The following PLCXD3 variants were observed in gnomAD, a reference collection of about 807,000 sequenced individuals.
PLCXD3 encodes the protein PI-PLC X domain-containing protein 3.
Under a neutral mutation model 25.5 loss-of-function variants are expected in PLCXD3, and 19 were observed. The observed-to-expected ratio is 0.75, with a 90% CI of 0.52 to 1.09. The LOEUF (loss-of-function observed/expected upper bound fraction) is 1.09, where lower values mean the gene tolerates loss of function less well. PLCXD3 is among the 50% of genes least tolerant of loss of function. The pLI, the probability that PLCXD3 is intolerant of heterozygous loss-of-function variation, is 0.00. For missense variants in PLCXD3, 411 were observed against 388.1 expected (o/e 1.06, Z -0.50); for synonymous variants, 174 against 137.6 (o/e 1.26, Z -1.85).
intron 1 of PLCXD3, among the ~76,000 whole-genome samples, chr5:41,508,378 C>G (rs1172426342): frequency 6.6e-6 from 1 of 152,194 alleles, no homozygotes; most frequent in Non-Finnish European, 1.5e-5. Flanking sequence ...AATCACAAAG[C>G]CTTTCCCTCC....
intron 2 of PLCXD3, among the ~76,000 whole-genome samples, chr5:41,357,622 C>T (rs1744655560): frequency 6.6e-6 from 1 of 152,158 alleles, no homozygotes; most frequent in Non-Finnish European, 1.5e-5. Context: ...ACTAAAATAA[C>T]ACTGGGATCC....
At chr5:41,331,085 G>T (rs1743789465) in intron 2 of PLCXD3, among the ~76,000 whole-genome samples, 1 of 152,102 alleles carries the variant, frequency 6.6e-6, no homozygotes, top group South Asian at 2.1e-4. Context: ...AGTGTTGGAA[G>T]TTCTGGCCAG....
chr5:41,421,531 C>A (rs1012667885), intron 1 of PLCXD3, among the ~76,000 whole-genome samples: 4 of 152,032 alleles, frequency 2.6e-5, no homozygotes, highest in Admixed American at 1.3e-4. Context: ...GAAACCCCGT[C>A]TCTACTAAAA....
intron 1 of PLCXD3, among the ~76,000 whole-genome samples, chr5:41,383,830 G>T (rs540024119): frequency 1.4e-5 from 2 of 142,590 alleles, no homozygotes; most frequent in South Asian, 4.8e-4. Flanking sequence ...ACACTTCAAA[G>T]CCTTGGTCTT....
rs541780803 is a variant in PLCXD3 at position 41,439,842 on chromosome 5, C to G, written c.104-57308G>C. 8.5e-5 allele frequency among the ~76,000 whole-genome samples: 13 copies of G among 152,302 alleles called. No homozygotes were observed. In the South Asian group the frequency reaches 1.7e-3, roughly 19 times the overall value. On this transcript the variant is annotated intron_variant, in intron 1 of 2. Coordinates refer to ENST00000377801, the MANE Select transcript of PLCXD3 (RefSeq NM_001005473.3). ...TTGATTATTGGTCACTTATCAAGTACTAGATTCTCCAGGGACACAAATGAA... is the reference window on the plus strand; with the variant it reads ...TTGATTATTGGTCACTTATCAAGTAGTAGATTCTCCAGGGACACAAATGAA...
At chr5:41,504,468 G>T (rs1356057000) in intron 1 of PLCXD3, among the ~76,000 whole-genome samples, 2 of 152,120 alleles carry the variant, frequency 1.3e-5, no homozygotes, top group African/African-American at 4.8e-5. Context: ...CCTGGTTTTG[G>T]CAGTGCCAGC....
chr5:41,370,697 A>T (rs1344755979), intron 2 of PLCXD3, among the ~76,000 whole-genome samples: 1 of 152,086 alleles, frequency 6.6e-6, no homozygotes, highest in East Asian at 1.9e-4. Flanking sequence ...ACTCAACACA[A>T]ACATCTGGAT....
At chr5:41,443,453 T>C (rs943233291) in intron 1 of PLCXD3, among the ~76,000 whole-genome samples, 3 of 152,154 alleles carry the variant, frequency 2.0e-5, no homozygotes, top group Non-Finnish European at 2.9e-5. Flanking sequence ...TCCTCATCGT[T>C]AAGCAACACA....
At chr5:41,326,238 C>T (rs77767066) in intron 2 of PLCXD3, among the ~76,000 whole-genome samples, 2,193 of 152,206 alleles carry the variant, frequency 0.014, 32 homozygotes, top group Admixed American at 0.025. Flanking sequence ...CTGTAACTTC[C>T]TAGGGCCATT....
rs1441003796 is a variant in PLCXD3 at position 41,402,989 on chromosome 5, A to T, written c.104-20455T>A. Among the ~76,000 whole-genome samples the T allele has an allele frequency of 2.0e-5, 3 of 152,246 alleles. No homozygotes were observed. In the South Asian group the frequency reaches 6.2e-4, roughly 32 times the overall value. On this transcript the variant is annotated intron_variant, in intron 1 of 2. Transcript: ENST00000377801. ...CTTTTGAATTCAATTGTAATCCATTAACATCTAAGTATTCACTGCTATGGT... is the reference window on the plus strand; with the variant it reads ...CTTTTGAATTCAATTGTAATCCATTTACATCTAAGTATTCACTGCTATGGT...
intron 1 of PLCXD3, among the ~76,000 whole-genome samples, chr5:41,426,825 A>G (rs894168916): frequency 1.3e-5 from 2 of 151,982 alleles, no homozygotes; most frequent in African/African-American, 4.8e-5. Flanking sequence ...TTGCTGAGTG[A>G]TCAGTTCTCT....
At chr5:41,357,324 G>A (rs1485534511) in intron 2 of PLCXD3, among the ~76,000 whole-genome samples, 1 of 152,128 alleles carries the variant, frequency 6.6e-6, no homozygotes, top group South Asian at 2.1e-4. Context: ...TTAAAAAGTT[G>A]TTATCAATTA....
chr5:41,317,812 T>C (rs1743346305), intron 2 of PLCXD3, among the ~76,000 whole-genome samples: 1 of 151,766 alleles, frequency 6.6e-6, no homozygotes, highest in African/African-American at 2.4e-5. Flanking sequence ...TTTGAAAATA[T>C]ACAGAGGAGA....
chr5:41,350,038 C>T (rs1246482758), intron 2 of PLCXD3, among the ~76,000 whole-genome samples: 1 of 152,030 alleles, frequency 6.6e-6, no homozygotes, highest in Non-Finnish European at 1.5e-5. Context: ...GATGACTCCG[C>T]AATGGGTGAA....
chr5:41,501,135 G>A (rs947740297), intron 1 of PLCXD3, among the ~76,000 whole-genome samples: 4 of 151,952 alleles, frequency 2.6e-5, no homozygotes, highest in African/African-American at 7.2e-5. Flanking sequence ...CCTCTATGGA[G>A]AACAGAATGG....
intron 2 of PLCXD3, among the ~76,000 whole-genome samples, chr5:41,318,852 A>G (rs1743376463): frequency 6.6e-6 from 1 of 152,174 alleles, no homozygotes; most frequent in Non-Finnish European, 1.5e-5. Flanking sequence ...CCTACAAGAA[A>G]CACACATCAC....
At chr5:41,425,377 C>G (rs1266833752) in intron 1 of PLCXD3, among the ~76,000 whole-genome samples, 1 of 151,330 alleles carries the variant, frequency 6.6e-6, no homozygotes, top group Non-Finnish European at 1.5e-5. Flanking sequence ...GCACAGATTT[C>G]CCATATACCT....
Position 41,350,897 on chromosome 5 carries a change from C to T in PLCXD3, c.812+30929G>A, listed in dbSNP as rs111427583. ...TAGAATCTGGGACTGGTAACATAAG[C>T]TTATTTTGTACAACTTTATGGCTTT... On this transcript the variant is annotated intron_variant, in intron 2 of 2. Transcript: ENST00000377801. Among the ~76,000 whole-genome samples the T allele has an allele frequency of 7.6e-3, 1,155 of 152,000 alleles. 18 individuals carry two copies. Among genetic ancestry groups the T allele is most frequent in the African/African-American group, 0.027 (1,109 of 41,460 alleles).
At chr5:41,477,477 G>A (rs2150521797) in intron 1 of PLCXD3, among the ~76,000 whole-genome samples, 1 of 152,080 alleles carries the variant, frequency 6.6e-6, no homozygotes, top group African/African-American at 2.4e-5. Context: ...CATCCTTGTT[G>A]CAAATAGGCC....
Sources: allele counts gnomAD v4.1 joint callset (sites outside exome capture counted in the v4.1 genomes callset), GRCh38; gene constraint gnomAD v4.1.1; transcripts MANE v1.5; gene names NCBI Gene and HGNC (gene_info 2026-07-23, HGNC 2026-07-21).